PCTP: variants seen among roughly 807,000 people sequenced by gnomAD.
PCTP encodes START domain-containing protein 2.
PCTP carries 27 observed loss-of-function variants against 31.0 expected under a neutral mutation model. That is an observed-to-expected ratio of 0.87 (90% CI 0.64 to 1.20). The LOEUF is 1.20. Ranked by LOEUF, PCTP falls within the 50% of genes most tolerant of loss-of-function variation. PCTP has a pLI of 0.00. For synonymous variants in PCTP, 108 were observed against 101.2 expected, an observed-to-expected ratio of 1.07 and a Z score of -0.40; for missense variants, 287 against 268.2, an observed-to-expected ratio of 1.07 and a Z score of -0.49.
At chr17:55,826,791 T>C (rs1424944112), downstream of PCTP, among the ~76,000 whole-genome samples, 5 of 152,192 alleles carry the variant, frequency 3.3e-5, no homozygotes, top group Non-Finnish European at 5.9e-5. Context: ...TGCTCTTTCT[T>C]CTTTCCCCTG....
intron 5 of PCTP, among the ~76,000 whole-genome samples, chr17:55,837,479 C>A (rs770474924): frequency 2.0e-5 from 3 of 152,128 alleles, no homozygotes; most frequent in African/African-American, 7.2e-5. Flanking sequence ...CCTTAAAACT[C>A]GACATGTCTA....
At chr17:55,777,800 C>T (rs1403440279), downstream of PCTP, among the ~76,000 whole-genome samples, 2 of 152,144 alleles carry the variant, frequency 1.3e-5, no homozygotes, top group African/African-American at 4.8e-5. Flanking sequence ...GTGAATGCCT[C>T]ATAAAATTAT....
intron 5 of PCTP, among the ~76,000 whole-genome samples, chr17:55,836,127 T>G (rs373479276): frequency 6.6e-6 from 1 of 152,178 alleles, no homozygotes; most frequent in Non-Finnish European, 1.5e-5. Flanking sequence ...TCACTTAGTT[T>G]TTTTCCCACC....
At chr17:55,826,849 A>T (rs1905413944), downstream of PCTP, among the ~76,000 whole-genome samples, 1 of 152,090 alleles carries the variant, frequency 6.6e-6, no homozygotes, top group African/African-American at 2.4e-5. Context: ...TCCAATTTGG[A>T]GCCTTGAAAA....
intron 2 of PCTP, 188 bp from the exon 3 acceptor site, chr17:55,770,918 A>C (rs1380231427): frequency 8.4e-6 from 4 of 473,660 alleles, no homozygotes; most frequent in Non-Finnish European, 1.5e-5. Flanking sequence ...TTATATATAG[A>C]GATGGGGTTT....
At chr17:55,812,830 T>C (rs1912795756) in intron 3 of PCTP, among the ~76,000 whole-genome samples, 1 of 152,226 alleles carries the variant, frequency 6.6e-6, no homozygotes, top group Non-Finnish European at 1.5e-5. Context: ...GCCAAGGCTT[T>C]GGGAATTCAC....
At chr17:55,799,146 T>C (rs1290108198) in intron 3 of PCTP, among the ~76,000 whole-genome samples, 1 of 151,874 alleles carries the variant, frequency 6.6e-6, no homozygotes, top group Non-Finnish European at 1.5e-5. Flanking sequence ...GACATAGAAA[T>C]TGATTTAATG....
intron 1 of PCTP, among the ~76,000 whole-genome samples, chr17:55,758,289 G>C (rs1910153532): frequency 6.6e-6 from 1 of 152,194 alleles, no homozygotes; most frequent in South Asian, 2.1e-4. Context: ...TTGGTGAGGA[G>C]CAGACAGTAC....
At chr17:55,849,077 T>C in the PCTP span, among the ~76,000 whole-genome samples, 1 of 151,814 alleles carries the variant, frequency 6.6e-6, no homozygotes, top group Non-Finnish European at 1.5e-5. Flanking sequence ...ACAGATGAAC[T>C]AGATATTGCA....
intron 5 of PCTP, among the ~76,000 whole-genome samples, chr17:55,839,239 C>T (rs1023798971): frequency 5.3e-5 from 8 of 152,038 alleles, no homozygotes; most frequent in African/African-American, 7.2e-5. Context: ...GGAACAATAA[C>T]GATTTTGTAG....
At chr17:55,822,271 T>A (rs1194333050) in intron 3 of PCTP, among the ~76,000 whole-genome samples, 2 of 152,142 alleles carry the variant, frequency 1.3e-5, no homozygotes, top group African/African-American at 4.8e-5. Flanking sequence ...GGCTCAGTAA[T>A]TAAGGGGAAA....
At chr17:55,798,681 C>T (rs1158925533) in intron 3 of PCTP, among the ~76,000 whole-genome samples, 1 of 151,546 alleles carries the variant, frequency 6.6e-6, no homozygotes, top group African/African-American at 2.4e-5. Flanking sequence ...TTAGAAAATG[C>T]AAACTGAGGG....
In PCTP at chr17:55,805,712, A is replaced by G. The variant is rs570918474; in HGVS notation, c.318-17049A>G. 1.4e-4 allele frequency among the ~76,000 whole-genome samples: 21 copies of G among 152,284 alleles called. No homozygotes were observed. In the South Asian group the frequency reaches 4.4e-3, roughly 32 times the overall value. On this transcript the variant is annotated intron_variant, in intron 3 of 3. Coordinates refer to the PCTP transcript ENST00000572536. ...TAGTAAGAATACAGATCTACACAAT[A>G]CCATTTAAAAATGTGTATCCATTTG...
At position 55,760,947 on chromosome 17, in the gene PCTP, C is replaced by T. The variant is rs931779273; in HGVS notation, c.142-6388C>T. On this transcript the variant is annotated intron_variant, in intron 1 of 5. Coordinates refer to ENST00000268896, the MANE Select transcript of PCTP (RefSeq NM_021213.4). ...CTAAGACCCCTTCCTGCTCTAAGAT[C>T]CTGTGTGATGGGTCTTCTTTATCTT... is the stretch of plus-strand genomic sequence containing the variant. 7.2e-5 allele frequency among the ~76,000 whole-genome samples: 11 copies of T among 152,196 alleles called. No individual in the cohort carries two copies. The East Asian group carries it at 1.9e-3, about 27-fold the overall frequency.
the PCTP span, among the ~76,000 whole-genome samples, chr17:55,849,494 G>A: frequency 2.0e-5 from 3 of 152,048 alleles, no homozygotes; most frequent in Non-Finnish European, 4.4e-5. Context: ...GTGGTGGCGG[G>A]CACCTGTAAT....
downstream of PCTP, among the ~76,000 whole-genome samples, chr17:55,778,747 G>A (rs1361576009): frequency 1.3e-5 from 2 of 152,128 alleles, no homozygotes; most frequent in Non-Finnish European, 2.9e-5. Flanking sequence ...AAATGGCACA[G>A]TTTGAATTGA....
chr17:55,780,736 C>T (rs954458225), downstream of PCTP, among the ~76,000 whole-genome samples: 1 of 152,100 alleles, frequency 6.6e-6, no homozygotes, highest in East Asian at 1.9e-4. Flanking sequence ...ACCCAGCCAC[C>T]CTTGCAGTAA....
At chr17:55,757,163 AT>A (rs1389748647) in intron 1 of PCTP, among the ~76,000 whole-genome samples, 1 of 151,778 alleles carries the variant, frequency 6.6e-6, no homozygotes, top group Non-Finnish European at 1.5e-5. Flanking sequence ...AAAAGCATGC[AT>A]TGAGTGTGCA....
At chr17:55,827,695 G>A (rs779045455), downstream of PCTP, among the ~76,000 whole-genome samples, 1 of 152,212 alleles carries the variant, frequency 6.6e-6, no homozygotes, top group Admixed American at 6.5e-5. Flanking sequence ...GGTTAGAGGG[G>A]TTAGAGCATC....
Sources: allele counts gnomAD v4.1 joint callset (sites outside exome capture counted in the v4.1 genomes callset), GRCh38; gene constraint gnomAD v4.1.1; transcripts MANE v1.5; gene names NCBI Gene and HGNC (gene_info 2026-07-23, HGNC 2026-07-21).